The following SCD5 variants were observed in gnomAD, a reference collection of about 807,000 sequenced individuals.
SCD5 encodes stearoyl-CoA desaturase 5.
Under a neutral mutation model 30.4 loss-of-function variants are expected in SCD5, and 20 were observed. The ratio of observed to expected loss-of-function variants is 0.66; its 90% CI spans 0.46 to 0.96. The LOEUF (loss-of-function observed/expected upper bound fraction) is 0.96. SCD5 is among the 40% of genes least tolerant of loss of function. SCD5 has a pLI of 0.00. For missense variants in SCD5, 381 were observed against 443.3 expected (o/e 0.86, Z 1.26); for synonymous variants, 173 against 176.4 (o/e 0.98, Z 0.16).
chr4:82,646,783 C>A (rs1267659453), intron 3 of SCD5, among the ~76,000 whole-genome samples: 2 of 152,236 alleles, frequency 1.3e-5, no homozygotes, highest in Non-Finnish European at 2.9e-5. Context: ...TCTTCAGAAC[C>A]TTGAAATGCA....
Position 82,633,064 on chromosome 4 carries a change from G to A in SCD5, c.803-1547C>T, listed in dbSNP as rs1022473819. Among the ~76,000 whole-genome samples, 7 of 151,992 alleles carry A rather than the reference G, an allele frequency of 4.6e-5. 1 individual carries two copies. Among genetic ancestry groups the A allele is most frequent in the Non-Finnish European group, 1.0e-4 (7 of 67,994 alleles). ...ATTGTTATTGACTGTAGTCACTATC[G>A]CCATGTTTTACAGTAGACCTCTTGA... On this transcript the variant is annotated intron_variant, in intron 4 of 4. Coordinates refer to ENST00000319540, the MANE Select transcript of SCD5 (RefSeq NM_001037582.3).
At chr4:82,653,681 G>GATAGATAGATAGATAGATAGATAGAT (rs1429784504) in intron 3 of SCD5, among the ~76,000 whole-genome samples, 6 of 133,436 alleles carry the variant, frequency 4.5e-5, no homozygotes, top group African/African-American at 1.7e-4. Flanking sequence ...GTCAATGATA[G>GATAGATAGATAGATAGATAGATAGAT]ATAGATAGAT....
At chr4:82,698,935 C>T (rs72661280) in intron 2 of SCD5, among the ~76,000 whole-genome samples, 19,984 of 152,194 alleles carry the variant, frequency 0.13, 1,566 homozygotes, top group East Asian at 0.4. Flanking sequence ...CTGTAATATA[C>T]ACGTTATGAG....
At chr4:82,737,417 T>C (rs901937373) in intron 1 of SCD5, among the ~76,000 whole-genome samples, 2 of 152,190 alleles carry the variant, frequency 1.3e-5, no homozygotes, top group South Asian at 2.1e-4. Context: ...ATTCATTCTA[T>C]TTATCACAAT....
intron 1 of SCD5, among the ~76,000 whole-genome samples, chr4:82,794,650 A>ATT (rs200270294): frequency 1.5e-4 from 20 of 136,750 alleles, no homozygotes; most frequent in Admixed American, 1.5e-4. Context: ...CATTCTGTCC[A>ATT]TTTTTTTTTT....
intron 3 of SCD5, among the ~76,000 whole-genome samples, chr4:82,658,990 T>TA (rs1219896004): frequency 2.6e-5 from 4 of 152,216 alleles, no homozygotes; most frequent in African/African-American, 9.6e-5. Flanking sequence ...GGTAGGCTAT[T>TA]AATTACTGCC....
chr4:82,712,258 A>ACG (rs1304418603), intron 1 of SCD5, among the ~76,000 whole-genome samples: 19 of 34,420 alleles, frequency 5.5e-4, no homozygotes, highest in African/African-American at 1.9e-3. Flanking sequence ...ATATATATAT[A>ACG]TATATATATA....
intron 3 of SCD5, among the ~76,000 whole-genome samples, chr4:82,648,484 A>G (rs79141175): frequency 0.037 from 5,704 of 152,204 alleles, 143 homozygotes; most frequent in South Asian, 0.093. Flanking sequence ...GGTGCCTAAG[A>G]GGTATCTCAT....
chr4:82,720,450 A>AAAAAAAAAAAAAAAAAAAAAAAAC (rs1720346850), intron 1 of SCD5, among the ~76,000 whole-genome samples: 2 of 148,272 alleles, frequency 1.3e-5, no homozygotes, highest in Non-Finnish European at 3.0e-5. Context: ...ATAAAAAAAA[A>AAAAAAAAAAAAAAAAAAAAAAAAC]AAAAAAAAAA....
intron 1 of SCD5, among the ~76,000 whole-genome samples, chr4:82,714,109 C>G (rs571607557): frequency 6.6e-6 from 1 of 152,286 alleles, no homozygotes; most frequent in Non-Finnish European, 1.5e-5. Flanking sequence ...TCAACACCGC[C>G]CCACATACTT....
chr4:82,760,188 C>T (rs994150565), intron 1 of SCD5, among the ~76,000 whole-genome samples: 3 of 152,166 alleles, frequency 2.0e-5, no homozygotes, highest in Non-Finnish European at 4.4e-5. Flanking sequence ...CAGTCCTCCA[C>T]TGCCTAAAGG....
intron 3 of SCD5, among the ~76,000 whole-genome samples, chr4:82,653,711 G>GAT (rs1553914421): frequency 3.4e-5 from 5 of 147,526 alleles, no homozygotes; most frequent in South Asian, 2.3e-4. Flanking sequence ...GATAGATATA[G>GAT]ATAGATAGAT....
intron 1 of SCD5, among the ~76,000 whole-genome samples, chr4:82,750,320 C>T (rs1378324616): frequency 1.3e-5 from 2 of 152,164 alleles, no homozygotes; most frequent in Non-Finnish European, 2.9e-5. Flanking sequence ...AGTCGACAGA[C>T]TGAGAACAAG....
chr4:82,664,999 C>CTCTCTCTCTCTCTCTCTCTATA (rs1219554314), intron 3 of SCD5, among the ~76,000 whole-genome samples: 1 of 70,492 alleles, frequency 1.4e-5, no homozygotes. Flanking sequence ...CTCTCTCTCT[C>CTCTCTCTCTCTCTCTCTCTATA]TATATATATA....
At chr4:82,734,447 T>C (rs1038325049) in intron 1 of SCD5, among the ~76,000 whole-genome samples, 11 of 152,216 alleles carry the variant, frequency 7.2e-5, no homozygotes, top group African/African-American at 2.7e-4. Flanking sequence ...TCGAGGAAAT[T>C]TGTGCAGCTC....
At chr4:82,796,644 C>T (rs1352041231) in intron 1 of SCD5, among the ~76,000 whole-genome samples, 1 of 152,112 alleles carries the variant, frequency 6.6e-6, no homozygotes, top group Non-Finnish European at 1.5e-5. Flanking sequence ...GCTCACTTTT[C>T]CCTGAGCACT....
intron 1 of SCD5, among the ~76,000 whole-genome samples, chr4:82,777,481 G>A (rs181050562): frequency 6.6e-6 from 1 of 152,350 alleles, no homozygotes; most frequent in African/African-American, 2.4e-5. Context: ...ATCAGAGAGT[G>A]CTGAGGATAC....
At chr4:82,735,532 A>G (rs534733107) in intron 1 of SCD5, among the ~76,000 whole-genome samples, 153 of 152,314 alleles carry the variant, frequency 1.0e-3, no homozygotes, top group African/African-American at 3.4e-3. Flanking sequence ...ACGACAATAA[A>G]CGACGCAGTG....
At chr4:82,683,748 G>T (rs1728632236) in intron 2 of SCD5, among the ~76,000 whole-genome samples, 1 of 152,098 alleles carries the variant, frequency 6.6e-6, no homozygotes, top group Non-Finnish European at 1.5e-5. Context: ...TCATGATATT[G>T]AGTGAGTTCT....
Sources: allele counts gnomAD v4.1 joint callset (sites outside exome capture counted in the v4.1 genomes callset), GRCh38; gene constraint gnomAD v4.1.1; transcripts MANE v1.5; gene names NCBI Gene and HGNC (gene_info 2026-07-23, HGNC 2026-07-21).